The following FAT3 variants were observed in gnomAD, a reference collection of about 807,000 sequenced individuals.
FAT3 encodes the protein protocadherin Fat 3.
Under a neutral mutation model 310.2 loss-of-function variants are expected in FAT3, and 95 were observed. The observed-to-expected ratio is 0.31, with a 90% CI of 0.26 to 0.36. The LOEUF (loss-of-function observed/expected upper bound fraction) is 0.36. FAT3 is among the 10% of genes least tolerant of loss of function. The probability of loss-of-function intolerance (pLI) is 1.00; values close to 1 mark genes in which losing one functional copy is unlikely to be tolerated. For synonymous variants in FAT3, 2,314 were observed against 2,192.9 expected (o/e 1.06, Z -1.54); for missense variants, 5,408 against 5,715.6 (o/e 0.95, Z 1.74).
intron 16 of FAT3, among the ~76,000 whole-genome samples, chr11:92,837,390 G>A (rs545787832): frequency 6.6e-6 from 1 of 152,284 alleles, no homozygotes; most frequent in East Asian, 1.9e-4. Flanking sequence ...GACATTTTTG[G>A]CTGTCATAAC....
chr11:92,760,276 T>G (rs552888518), intron 4 of FAT3, among the ~76,000 whole-genome samples: 1 of 152,346 alleles, frequency 6.6e-6, no homozygotes, highest in East Asian at 1.9e-4. Context: ...CTAGGCAGCT[T>G]GTAAGAGAAA....
At chr11:92,758,945 A>G (rs1211128096) in intron 4 of FAT3, among the ~76,000 whole-genome samples, 1 of 152,096 alleles carries the variant, frequency 6.6e-6, no homozygotes, top group Non-Finnish European at 1.5e-5. Flanking sequence ...GTTTGAGGGT[A>G]TTGATTTCAG....
chr11:92,443,915 T>G (rs1951144245), intron 2 of FAT3, among the ~76,000 whole-genome samples: 1 of 152,172 alleles, frequency 6.6e-6, no homozygotes, highest in African/African-American at 2.4e-5. Context: ...GGCTTTATGT[T>G]TTAGAATCTA....
intron 2 of FAT3, among the ~76,000 whole-genome samples, chr11:92,457,741 G>A (rs1951529245): frequency 6.6e-6 from 1 of 151,578 alleles, no homozygotes; most frequent in Admixed American, 6.6e-5. Context: ...GACCAATATG[G>A]TGAAACCCGT....
intron 3 of FAT3, among the ~76,000 whole-genome samples, chr11:92,596,788 A>G (rs558070211): frequency 2.0e-5 from 3 of 152,298 alleles, no homozygotes; most frequent in Non-Finnish European, 4.4e-5. Context: ...AGTAAGGCCA[A>G]TGGAATTCTG....
At chr11:92,794,063 T>C (rs567085873) in intron 9 of FAT3, among the ~76,000 whole-genome samples, 2 of 152,332 alleles carry the variant, frequency 1.3e-5, no homozygotes, top group African/African-American at 4.8e-5. Flanking sequence ...GAGTTCATAA[T>C]AGCAAAGTTT....
At chr11:92,804,324 G>C (rs974865110) in intron 10 of FAT3, among the ~76,000 whole-genome samples, 2 of 151,918 alleles carry the variant, frequency 1.3e-5, no homozygotes, top group African/African-American at 4.8e-5. Context: ...GTCTTTCTCG[G>C]TGTCTGAAAT....
chr11:92,615,487 T>C (rs1302360746), intron 3 of FAT3, among the ~76,000 whole-genome samples: 1 of 152,206 alleles, frequency 6.6e-6, no homozygotes, highest in Non-Finnish European at 1.5e-5. Flanking sequence ...CCTCAGGTGA[T>C]CCACCCACCT....
At chr11:92,318,668 T>C (rs1947529946) in intron 1 of FAT3, among the ~76,000 whole-genome samples, 1 of 152,228 alleles carries the variant, frequency 6.6e-6, no homozygotes, top group African/African-American at 2.4e-5. Context: ...GAAATACCCA[T>C]AAGAGTAAAA....
chr11:92,569,982 G>A (rs1160488547), intron 3 of FAT3, among the ~76,000 whole-genome samples: 2 of 152,032 alleles, frequency 1.3e-5, no homozygotes, highest in Non-Finnish European at 2.9e-5. Flanking sequence ...TTGTCTGACC[G>A]TATGTATTCT....
chr11:92,419,883 G>C (rs553714819), intron 2 of FAT3, among the ~76,000 whole-genome samples: 2 of 152,126 alleles, frequency 1.3e-5, no homozygotes, highest in African/African-American at 2.4e-5. Flanking sequence ...TAGGATACTT[G>C]CCATCTTGAG....
At chr11:92,808,449 A>G (rs1462157248) in intron 12 of FAT3, among the ~76,000 whole-genome samples, 5 of 152,248 alleles carry the variant, frequency 3.3e-5, no homozygotes, top group African/African-American at 1.2e-4. Context: ...AGCATAGCGC[A>G]TCCAGGTAAT....
chr11:92,486,101 A>G (rs1239308691), intron 2 of FAT3, among the ~76,000 whole-genome samples: 2 of 140,080 alleles, frequency 1.4e-5, no homozygotes, highest in East Asian at 2.1e-4. Context: ...CTAAGGACTC[A>G]TATGTGAAAT....
rs75530996 is a variant in FAT3 at position 92,549,025 on chromosome 11, T to C, written c.3607+24077T>C. 5.1e-4 allele frequency among the ~76,000 whole-genome samples: 77 copies of C among 152,330 alleles called. No homozygotes were observed. In the East Asian group the frequency reaches 0.013, roughly 26 times the overall value. Reference sequence around the variant, plus strand: ...AAGCAGAAAACCTGGCTAATTAGACTGCCAAGATCTTAATGTTAACTGTCA... The same window carrying C: ...AAGCAGAAAACCTGGCTAATTAGACCGCCAAGATCTTAATGTTAACTGTCA... On this transcript the variant is annotated intron_variant, in intron 3 of 27. Coordinates refer to ENST00000525166, the MANE Select transcript of FAT3 (RefSeq NM_001367949.2).
intron 3 of FAT3, among the ~76,000 whole-genome samples, chr11:92,539,447 G>T (rs1265098558): frequency 6.6e-6 from 1 of 152,126 alleles, no homozygotes. Flanking sequence ...TTGCTGGGTT[G>T]TAATAGCTAG....
intron 2 of FAT3, among the ~76,000 whole-genome samples, chr11:92,433,242 C>T (rs984183318): frequency 6.6e-6 from 1 of 152,074 alleles, no homozygotes; most frequent in Non-Finnish European, 1.5e-5. Context: ...GGGGAGTGAA[C>T]GGTTCTGTCT....
intron 2 of FAT3, among the ~76,000 whole-genome samples, chr11:92,434,648 T>C (rs903161944): frequency 6.6e-6 from 1 of 152,150 alleles, no homozygotes; most frequent in Non-Finnish European, 1.5e-5. Context: ...CACTACTGAT[T>C]AGCTGTGAGG....
At chr11:92,666,482 G>T (rs1942954604) in intron 3 of FAT3, among the ~76,000 whole-genome samples, 1 of 151,068 alleles carries the variant, frequency 6.6e-6, no homozygotes, top group Non-Finnish European at 1.5e-5. Context: ...CTCCCGAGTA[G>T]CTGGGACTAC....
chr11:92,539,817 T>C (rs898638924), intron 3 of FAT3, among the ~76,000 whole-genome samples: 1 of 152,108 alleles, frequency 6.6e-6, no homozygotes, highest in African/African-American at 2.4e-5. Context: ...CTTTTTAAAG[T>C]GTATTAATGT....
Sources: allele counts gnomAD v4.1 joint callset (sites outside exome capture counted in the v4.1 genomes callset), GRCh38; gene constraint gnomAD v4.1.1; transcripts MANE v1.5; gene names NCBI Gene and HGNC (gene_info 2026-07-23, HGNC 2026-07-21).